Variants in LEPR observed in about 807,000 individuals in gnomAD.
LEPR encodes OB receptor.
Under a neutral mutation model 114.7 loss-of-function variants are expected in LEPR, and 56 were observed. That is an observed-to-expected ratio of 0.49 (90% CI 0.39 to 0.61). The LOEUF (loss-of-function observed/expected upper bound fraction) is 0.61. Ranked by LOEUF, LEPR falls within the 20% of genes least tolerant of loss-of-function variation. The pLI is 0.00. For missense variants in LEPR, 1,202 were observed against 1,352.9 expected (o/e 0.89, Z 1.75); for synonymous variants, 443 against 461.4 (o/e 0.96, Z 0.51).
chr1:65,586,161 A>G (rs1161961532), intron 5 of LEPR, among the ~76,000 whole-genome samples: 1 of 152,034 alleles, frequency 6.6e-6, no homozygotes, highest in African/African-American at 2.4e-5. Context: ...TGAAATGAAT[A>G]TTGAACATGA....
chr1:65,479,182 G>T lies in LEPR; in HGVS notation c.-21+53804G>T, dbSNP rs149009379. On this transcript the variant is annotated intron_variant, in intron 2 of 19. Coordinates refer to ENST00000349533, the MANE Select transcript of LEPR (RefSeq NM_002303.6). ...ACTGTAATTTTACAAATGGAAAAAG[G>T]CACAGGGAGGAAAATAAAGCTCAGG... Among the ~76,000 whole-genome samples the T allele has an allele frequency of 5.9e-3, 903 of 152,232 alleles. 7 individuals are homozygous for T. Among genetic ancestry groups the T allele is most frequent in the Non-Finnish European group, 0.011 (719 of 68,014 alleles).
intron 2 of LEPR, among the ~76,000 whole-genome samples, chr1:65,454,473 G>T (rs1168271757): frequency 6.6e-6 from 1 of 151,950 alleles, no homozygotes; most frequent in Non-Finnish European, 1.5e-5. Flanking sequence ...TTTAGGGCAG[G>T]CCTGGTGGTG....
At chr1:65,609,027 T>C (rs1029787987) in intron 12 of LEPR, 126 bp downstream of exon 12, 21 of 1,237,206 alleles carry the variant, frequency 1.7e-5, no homozygotes, top group Admixed American at 2.4e-5. Context: ...GTAGCTATTT[T>C]CATTAAATAG....
rs1041085101 is a variant in LEPR, at chr1:65,635,140, A to G, written c.2674-1051A>G. The G allele has an allele frequency of 1.1e-4, 108 of 944,772 alleles. 2 individuals carry two copies. In the Middle Eastern group the frequency reaches 1.6e-3, roughly 14 times the overall value. 58.5% of individuals were successfully genotyped at this position (944,772 alleles called of 1,614,324 possible). A position where few individuals can be genotyped will look rare whatever the true frequency, so the allele number is the denominator to read the frequency against. On this transcript the variant is annotated intron_variant, in intron 19 of 19. Coordinates refer to ENST00000349533, the MANE Select transcript of LEPR (RefSeq NM_002303.6). The stretch of plus-strand genomic sequence containing the variant: ...TTGCCATTATGAAGAACAGCTGGGT[A>G]TACCATTATTTCAAGTAATAAATCT...
At chr1:65,431,843 C>T (rs1557586042) in intron 2 of LEPR, 3 of 1,613,972 alleles carry the variant, frequency 1.9e-6, no homozygotes, top group South Asian at 2.2e-5. Context: ...GCAGGCAATG[C>T]AGTCATTTTC....
intron 2 of LEPR, among the ~76,000 whole-genome samples, chr1:65,453,278 C>G (rs1343259211): frequency 6.6e-6 from 1 of 151,888 alleles, no homozygotes. Flanking sequence ...TCTCTATTTC[C>G]TTCAGTTCTG....
chr1:65,489,036 T>C (rs1557620953), intron 2 of LEPR, among the ~76,000 whole-genome samples: 1 of 152,240 alleles, frequency 6.6e-6, no homozygotes, highest in Non-Finnish European at 1.5e-5. Context: ...GACACTTAGG[T>C]TGATACCAAA....
At chr1:65,456,558 G>A (rs1646879013) in intron 2 of LEPR, among the ~76,000 whole-genome samples, 1 of 152,158 alleles carries the variant, frequency 6.6e-6, no homozygotes, top group South Asian at 2.1e-4. Flanking sequence ...TTATTGCTAT[G>A]TAATGCCCCT....
chr1:65,425,113 T>A (rs1244694223), intron 1 of LEPR, among the ~76,000 whole-genome samples, 190 bp from the exon 2 acceptor site: 2 of 152,228 alleles, frequency 1.3e-5, no homozygotes, highest in Non-Finnish European at 2.9e-5. Flanking sequence ...ATTCTTAAAG[T>A]GTAAGATTTC....
intron 17 of LEPR, 151 bp from the exon 18 acceptor site, chr1:65,621,202 A>ATATTTTTATCTTCATTTTT (rs1657860303): frequency 5.9e-6 from 4 of 680,114 alleles, no homozygotes; most frequent in Non-Finnish European, 9.9e-6. Flanking sequence ...TGATCACAAC[A>ATATTTTTATCTTCATTTTT]TATTTTTATC....
At chr1:65,474,876 G>T (rs140589361) in intron 2 of LEPR, among the ~76,000 whole-genome samples, 1 of 151,402 alleles carries the variant, frequency 6.6e-6, no homozygotes, top group African/African-American at 2.4e-5. Context: ...GCGTAGTGGC[G>T]TGCACCTGTA....
rs775192085 is a variant in LEPR, at chr1:65,616,052, G to C, written c.2040G>C (p.Val680=). The change falls in exon 15 of 20, where the codon GTG becomes GTC. Residue 680 remains valine, a synonymous_variant. Transcript: ENST00000349533. ...NDSLCSVQRY[V]INHHTSCNGT... is the part of the protein sequence containing the mutation. ...CATTGTGCAGTGTTCAGAGATATGT[G>C]ATAAACCATCATACTTCCTGCAATG... The C allele has an allele frequency of 6.2e-7, 1 of 1,614,126 alleles. No individual in the cohort carries two copies. The highest frequency in any genetic ancestry group is 8.5e-7 in the Non-Finnish European group (1 of 1,180,008).
intron 2 of LEPR, among the ~76,000 whole-genome samples, chr1:65,539,528 C>A (rs1184424738): frequency 2.0e-5 from 3 of 152,204 alleles, no homozygotes; most frequent in South Asian, 2.1e-4. Context: ...CTTTACCATA[C>A]CGGTGCCAAG....
rs768920917 is a variant in LEPR at position 65,636,721 on chromosome 1, T to C, written c.3204T>C (p.Pro1068=). 1 of 1,609,236 alleles carries C rather than the reference T, an allele frequency of 6.2e-7. No homozygotes were observed. The highest frequency in any genetic ancestry group is 8.5e-7 in the Non-Finnish European group (1 of 1,178,034). ...DELLKLEGNF[P]EENNDKKSIY... ...TTTTGAAATTGGAGGGAAATTTCCC[T>C]GAAGAAAATAATGATAAAAAGTCTA... Residue 1068 remains proline, a synonymous_variant, in exon 20 of 20, where the codon CCT becomes CCC. Coordinates refer to ENST00000349533, the MANE Select transcript of LEPR (RefSeq NM_002303.6).
At chr1:65,465,987 A>G (rs992672192) in intron 2 of LEPR, among the ~76,000 whole-genome samples, 1 of 152,206 alleles carries the variant, frequency 6.6e-6, no homozygotes, top group Non-Finnish European at 1.5e-5. Flanking sequence ...CCAATTTGCC[A>G]GCCTGTGTCT....
rs75682817 is a variant in LEPR at position 65,479,770 on chromosome 1, C to A, written c.-21+54392C>A. On this transcript the variant is annotated intron_variant, in intron 2 of 19. Coordinates refer to ENST00000349533, the MANE Select transcript of LEPR (RefSeq NM_002303.6). ...CCACAAATCCTCCAAAACAACTGGG[C>A]AGAAAGTAGAAGACAATCAGCAGCA... Among the ~76,000 whole-genome samples, 927 of 152,234 alleles carry A rather than the reference C, an allele frequency of 6.1e-3. 8 individuals carry two copies. The highest frequency in any genetic ancestry group is 0.021 in the African/African-American group (886 of 41,540).
chr1:65,516,713 G>A (rs1184310885), intron 2 of LEPR, among the ~76,000 whole-genome samples: 2 of 152,184 alleles, frequency 1.3e-5, no homozygotes, highest in Non-Finnish European at 2.9e-5. Flanking sequence ...GCGTAAGAAG[G>A]CATTTACTTA....
At chr1:65,549,515 T>G (rs1159689833) in intron 2 of LEPR, among the ~76,000 whole-genome samples, 2 of 152,018 alleles carry the variant, frequency 1.3e-5, no homozygotes, top group Admixed American at 6.5e-5. Context: ...TTCGTTTCTT[T>G]TTATTCTTTT....
chr1:65,495,653 GTCC>G (rs1385176346), intron 2 of LEPR, among the ~76,000 whole-genome samples: 4 of 152,146 alleles, frequency 2.6e-5, no homozygotes, highest in African/African-American at 9.7e-5. Context: ...CAACCTAAGT[GTCC>G]ATCAACAGAT....
Sources: gnomAD v4.1 joint callset for allele counts (sites outside exome capture counted in the v4.1 genomes callset) on GRCh38, gnomAD v4.1.1 for gene constraint, MANE v1.5 for transcripts, NCBI Gene and HGNC (gene_info 2026-07-23, HGNC 2026-07-21) for gene names.